Variants in ARHGAP29 observed in about 807,000 individuals in gnomAD.
The protein encoded by ARHGAP29 is rho GTPase-activating protein 29.
ARHGAP29 carries 43 observed loss-of-function variants against 122.6 expected under a neutral mutation model. That is an observed-to-expected ratio of 0.35 (90% CI 0.27 to 0.45). The LOEUF (loss-of-function observed/expected upper bound fraction) is 0.45, where lower values mean the gene tolerates loss of function less well. ARHGAP29 is among the 20% of genes least tolerant of loss of function. The pLI is 1.00. For synonymous variants in ARHGAP29, 506 were observed against 497.1 expected (o/e 1.02, Z -0.24); for missense variants, 1,303 against 1,477.2 (o/e 0.88, Z 1.93).
chr1:94,188,862 A>G lies in ARHGAP29; in HGVS notation c.1656T>C (p.Ser552=). Residue 552 remains serine (S), a synonymous_variant, in exon 15 of 23, where the codon TCT becomes TCC. Coordinates refer to ENST00000260526, the MANE Select transcript of ARHGAP29 (RefSeq NM_004815.4). ...ESTGGSSESR[S]LDSESISPGD... The stretch of plus-strand genomic sequence containing the variant: ...CTGGACTTATAGATTCTGAATCCAG[A>G]GATCTAGATTCGCTGCTCCCTCCAG... The G allele has an allele frequency of 6.2e-7, 1 of 1,612,938 alleles. No homozygotes were observed. Among genetic ancestry groups the G allele is most frequent in the Non-Finnish European group, 8.5e-7 (1 of 1,179,128 alleles).
Position 94,170,500 on chromosome 1 carries a change from AG to A in ARHGAP29, c.*3368del, listed in dbSNP as rs1414065810. On this transcript the variant is annotated 3_prime_UTR_variant, in exon 23 of 23. Transcript: ENST00000260526. Reference sequence around the variant, plus strand: ...GTCCTGGATTGGGATGCTGAAACACAGGAACATTACTGAGGCAATCAAAATC... The same window carrying A: ...GTCCTGGATTGGGATGCTGAAACACAGAACATTACTGAGGCAATCAAAATC... Among the ~76,000 whole-genome samples the A allele has an allele frequency of 6.6e-6, 1 of 152,206 alleles. No individual in the cohort carries two copies. The highest frequency in any genetic ancestry group is 1.5e-5 in the Non-Finnish European group (1 of 68,028).
At chr1:94,284,497 C>G in the ARHGAP29 span, among the ~76,000 whole-genome samples, 1 of 152,194 alleles carries the variant, frequency 6.6e-6, no homozygotes, top group Non-Finnish European at 1.5e-5. Context: ...ATAGCACTGA[C>G]TTTGGCCAAT....
intron 2 of ARHGAP29, among the ~76,000 whole-genome samples, chr1:94,223,497 G>T (rs1192388545): frequency 6.6e-6 from 1 of 152,128 alleles, no homozygotes; most frequent in East Asian, 1.9e-4. Flanking sequence ...AACGCACTTA[G>T]AACAGTGGCT....
chr1:94,201,506 TTCTCTCTCTCTCTCTCTC>T (rs111304569), intron 12 of ARHGAP29, among the ~76,000 whole-genome samples, 196 bp downstream of exon 12: 16 of 141,298 alleles, frequency 1.1e-4, no homozygotes, highest in South Asian at 2.4e-4. Flanking sequence ...CCTTCCTTCC[TTCTCTCTCTCTCTCTCTC>T]TCTCTCTCTC....
chr1:94,311,183 T>C, the ARHGAP29 span, among the ~76,000 whole-genome samples: 1 of 152,220 alleles, frequency 6.6e-6, no homozygotes, highest in Non-Finnish European at 1.5e-5. Context: ...AGCTTGGGTC[T>C]GGATGGGTAA....
chr1:94,246,686 C>T (rs1259931746), intron 1 of ARHGAP29, among the ~76,000 whole-genome samples: 1 of 152,144 alleles, frequency 6.6e-6, no homozygotes, highest in African/African-American at 2.4e-5. Context: ...GGAGGAACGT[C>T]CTTGGCTGCT....
At chr1:94,290,244 T>A in the ARHGAP29 span, among the ~76,000 whole-genome samples, 1 of 152,208 alleles carries the variant, frequency 6.6e-6, no homozygotes, top group Non-Finnish European at 1.5e-5. Flanking sequence ...GATGGTAGTT[T>A]GTATTTCTGT....
chr1:94,217,463 G>A (rs1652016723), intron 3 of ARHGAP29, among the ~76,000 whole-genome samples: 1 of 150,758 alleles, frequency 6.6e-6, no homozygotes, highest in Admixed American at 6.6e-5. Context: ...GAACCCAGGA[G>A]GCTGAGGCTG....
At chr1:94,233,599 A>G (rs1217566469) in intron 1 of ARHGAP29, among the ~76,000 whole-genome samples, 4 of 152,152 alleles carry the variant, frequency 2.6e-5, no homozygotes, top group Non-Finnish European at 4.4e-5. Flanking sequence ...AAGGCTCAAC[A>G]TGAGATCTGG....
In ARHGAP29 at chr1:94,173,967, G is replaced by A. The variant is rs1023482155; in HGVS notation, c.3688C>T (p.Leu1230Phe). The stretch of plus-strand genomic sequence containing the variant: ...ATTGGATTCACATCAGGCAAGCCAA[G>A]CTCCTCAGAGTCTTCTTTAGGTTGA... The part of the protein sequence containing the change: ...TGQPKEDSEE[L>F]GLPDVNPMCQ... The change falls in exon 23 of 23, where the codon CTT (leucine) becomes TTT (phenylalanine). Residue 1230 changes from leucine (L) to phenylalanine (F), a missense_variant. Transcript: ENST00000260526. 5 of 1,614,116 alleles carry A rather than the reference G, an allele frequency of 3.1e-6. No homozygotes were observed. The highest frequency in any genetic ancestry group is 1.3e-5 in the African/African-American group (1 of 74,940).
chr1:94,311,195 CCTGT>C, the ARHGAP29 span, among the ~76,000 whole-genome samples: 1 of 152,108 alleles, frequency 6.6e-6, no homozygotes, highest in African/African-American at 2.4e-5. Context: ...GATGGGTAAG[CCTGT>C]CTAATTCTGG....
intron 19 of ARHGAP29, among the ~76,000 whole-genome samples, chr1:94,181,984 TA>T (rs1440313567): frequency 2.0e-5 from 3 of 152,324 alleles, no homozygotes; most frequent in South Asian, 4.1e-4. Context: ...AGTAAAATAT[TA>T]AACTAATTTC....
intron 15 of ARHGAP29, among the ~76,000 whole-genome samples, chr1:94,187,023 C>A (rs1649846453): frequency 6.6e-6 from 1 of 152,158 alleles, no homozygotes; most frequent in Non-Finnish European, 1.5e-5. Context: ...AAGCTTTCTA[C>A]AACATACAAA....
intron 3 of ARHGAP29, among the ~76,000 whole-genome samples, chr1:94,211,348 A>G (rs887292886): frequency 2.0e-5 from 3 of 151,318 alleles, no homozygotes; most frequent in Non-Finnish European, 4.4e-5. Flanking sequence ...TGTACCTAAT[A>G]AACAGAGCTT....
At position 94,219,007 on chromosome 1, in the gene ARHGAP29, G is replaced by A. The variant is rs143402485; in HGVS notation, c.340+1251C>T. 1.2e-4 allele frequency among the ~76,000 whole-genome samples: 18 copies of A among 151,994 alleles called. No homozygotes were observed. The South Asian group carries it at 1.7e-3, about 14-fold the overall frequency. ...CAGTTAATGCCTACTTGACCTTTTC[G>A]ACTCAGGACCGGCAATCCCTTTCCC... On this transcript the variant is annotated intron_variant, in intron 3 of 22. Coordinates refer to ENST00000260526, the MANE Select transcript of ARHGAP29 (RefSeq NM_004815.4).
intron 2 of ARHGAP29, among the ~76,000 whole-genome samples, chr1:94,224,934 A>G (rs1430850653): frequency 6.6e-6 from 1 of 152,164 alleles, no homozygotes; most frequent in Admixed American, 6.5e-5. Flanking sequence ...CTTAAGTTAC[A>G]CTATGAAGAA....
At chr1:94,279,645 G>A (rs368772671), upstream of ARHGAP29, among the ~76,000 whole-genome samples, 2 of 152,158 alleles carry the variant, frequency 1.3e-5, no homozygotes, top group African/African-American at 4.8e-5. Flanking sequence ...GCATACTTAT[G>A]CTTCATTGTT....
chr1:94,306,232 T>C, the ARHGAP29 span, among the ~76,000 whole-genome samples: 1 of 152,206 alleles, frequency 6.6e-6, no homozygotes, highest in Non-Finnish European at 1.5e-5. Flanking sequence ...GTGATGGGGA[T>C]GGGCAGGGTC....
chr1:94,188,698 A>G (rs1360839503), intron 15 of ARHGAP29, 139 bp downstream of exon 15: 1 of 739,910 alleles, frequency 1.4e-6, no homozygotes, highest in East Asian at 2.8e-5. Context: ...AGGGGTTTTT[A>G]AAAACTATTT....
Sources: allele counts gnomAD v4.1 joint callset (sites outside exome capture counted in the v4.1 genomes callset), GRCh38; gene constraint gnomAD v4.1.1; transcripts MANE v1.5; gene names NCBI Gene and HGNC (gene_info 2026-07-23, HGNC 2026-07-21).